The following SLC16A7 variants were observed in gnomAD, a reference collection of about 807,000 sequenced individuals.
SLC16A7 encodes monocarboxylate transporter 2.
SLC16A7 carries 33 observed loss-of-function variants against 34.9 expected under a neutral mutation model. The observed-to-expected ratio is 0.94, with a 90% CI of 0.72 to 1.26. SLC16A7 has a LOEUF of 1.26. Ranked by LOEUF, SLC16A7 falls within the 50% of genes most tolerant of loss-of-function variation. The pLI, the probability that SLC16A7 is intolerant of heterozygous loss-of-function variation, is 0.00. For missense variants in SLC16A7, 573 were observed against 578.1 expected (o/e 0.99, Z 0.09); for synonymous variants, 201 against 206.6 (o/e 0.97, Z 0.23).
At chr12:59,744,994 C>T (rs1878740343) in intron 3 of SLC16A7, among the ~76,000 whole-genome samples, 1 of 152,192 alleles carries the variant, frequency 6.6e-6, no homozygotes. Context: ...TTTTCTGCTT[C>T]ATTATGAGAG....
chr12:59,789,798 A>G lies in SLC16A7; in HGVS notation c.*10119A>G, dbSNP rs1883866945. On this transcript the variant is annotated 3_prime_UTR_variant, in exon 6 of 6. Coordinates refer to ENST00000547379, the MANE Select transcript of SLC16A7 (RefSeq NM_001270623.2). ...CTATAATATGTAAGAAAAAACCTGTATTGCTTATTAAATTAAAATTAAAAT... is the reference window on the plus strand; with the variant it reads ...CTATAATATGTAAGAAAAAACCTGTGTTGCTTATTAAATTAAAATTAAAAT... 1.3e-5 allele frequency: 2 copies of G among 149,684 alleles called. No individual in the cohort carries two copies. Among genetic ancestry groups the G allele is most frequent in the Admixed American group, 1.3e-4 (2 of 14,998 alleles). The allele number at this position is 149,684 out of a possible 1,614,324, so 9.3% of individuals were successfully genotyped here. A position where few individuals can be genotyped will look rare whatever the true frequency, so the allele number is the denominator to read the frequency against.
chr12:59,697,512 C>T (rs1264814755), intron 2 of SLC16A7, among the ~76,000 whole-genome samples: 3 of 151,870 alleles, frequency 2.0e-5, no homozygotes, highest in African/African-American at 4.8e-5. Context: ...CTGATGCTTC[C>T]ATTTTTAGTC....
chr12:59,773,293 C>T (rs145980538), intron 4 of SLC16A7, among the ~76,000 whole-genome samples: 9 of 152,208 alleles, frequency 5.9e-5, no homozygotes, highest in South Asian at 2.1e-4. Context: ...TCCTGTTACT[C>T]TCCAAAGCAT....
chr12:59,664,204 A>G (rs977596316), intron 2 of SLC16A7, among the ~76,000 whole-genome samples: 3 of 152,098 alleles, frequency 2.0e-5, no homozygotes, highest in Admixed American at 6.6e-5. Flanking sequence ...GGTAGTGGGT[A>G]TAAATTGTTT....
At chr12:59,685,604 T>C (rs1871092213) in intron 2 of SLC16A7, among the ~76,000 whole-genome samples, 1 of 152,192 alleles carries the variant, frequency 6.6e-6, no homozygotes, top group African/African-American at 2.4e-5. Context: ...GTGGTTGATA[T>C]GATTCCCACC....
chr12:59,772,029 G>A (rs1445160219), intron 4 of SLC16A7, among the ~76,000 whole-genome samples: 3 of 151,860 alleles, frequency 2.0e-5, no homozygotes, highest in East Asian at 1.9e-4. Context: ...ATGTACACCC[G>A]GAAAGCACTA....
At chr12:59,616,985 G>C (rs1276327983) in intron 1 of SLC16A7, among the ~76,000 whole-genome samples, 1 of 151,938 alleles carries the variant, frequency 6.6e-6, no homozygotes, top group Non-Finnish European at 1.5e-5. Context: ...TGCATTATTT[G>C]GATAGGTGGC....
intron 3 of SLC16A7, among the ~76,000 whole-genome samples, chr12:59,743,547 A>T (rs1279774870): frequency 6.6e-6 from 1 of 152,206 alleles, no homozygotes; most frequent in African/African-American, 2.4e-5. Flanking sequence ...ATGCTCAGTA[A>T]ATATGTGGTG....
chr12:59,724,616 A>T (rs1876016168), intron 3 of SLC16A7, among the ~76,000 whole-genome samples: 1 of 152,014 alleles, frequency 6.6e-6, no homozygotes, highest in South Asian at 2.1e-4. Flanking sequence ...TGCTGGAACC[A>T]GTTGGGTGCT....
intron 3 of SLC16A7, among the ~76,000 whole-genome samples, chr12:59,758,111 A>G (rs1274300297): frequency 6.6e-6 from 1 of 152,114 alleles, no homozygotes; most frequent in Non-Finnish European, 1.5e-5. Flanking sequence ...AAAACTGCAT[A>G]CACAGAGTGT....
intron 1 of SLC16A7, among the ~76,000 whole-genome samples, chr12:59,623,922 A>G (rs1338099949): frequency 6.6e-6 from 1 of 151,368 alleles, no homozygotes; most frequent in Non-Finnish European, 1.5e-5. Flanking sequence ...TTCTATTTTT[A>G]GGTTGGTAGG....
At position 59,596,871 on chromosome 12, in the gene SLC16A7, G is replaced by A. The variant is rs970879673; in HGVS notation, c.-130+635G>A. The stretch of plus-strand genomic sequence containing the variant: ...CCCAGGAAGGATGGCAGGGGTGGAA[G>A]CAGATGGAAAACTATATGCGGGCGA... On this transcript the variant is annotated intron_variant, in intron 1 of 5. Coordinates refer to ENST00000547379, the MANE Select transcript of SLC16A7 (RefSeq NM_001270623.2). The surrounding 1 kb of genome is among the most constrained non-coding windows in gnomAD (Gnocchi z 5.0). 1.3e-5 allele frequency among the ~76,000 whole-genome samples: 2 copies of A among 152,184 alleles called. No homozygotes were observed. Among genetic ancestry groups the A allele is most frequent in the Non-Finnish European group, 2.9e-5 (2 of 68,034 alleles).
At chr12:59,774,603 G>A in intron 4 of SLC16A7, 54 bp from the exon 5 acceptor site, 3 of 1,121,216 alleles carry the variant, frequency 2.7e-6, no homozygotes, top group Non-Finnish European at 3.8e-6. Flanking sequence ...AATTTCTTTT[G>A]TGAGTGCCAT....
chr12:59,652,591 A>T (rs764093729), intron 1 of SLC16A7, among the ~76,000 whole-genome samples: 2 of 152,044 alleles, frequency 1.3e-5, no homozygotes, highest in Non-Finnish European at 2.9e-5. Flanking sequence ...TAAAAATACC[A>T]TACTATTTCC....
chr12:59,634,139 G>A (rs1880312724), intron 1 of SLC16A7, among the ~76,000 whole-genome samples: 1 of 151,988 alleles, frequency 6.6e-6, no homozygotes, highest in Admixed American at 6.6e-5. Context: ...TGCCAACTCT[G>A]GAATCCGTTC....
At chr12:59,760,606 T>C (rs1408586513) in intron 3 of SLC16A7, among the ~76,000 whole-genome samples, 1 of 152,206 alleles carries the variant, frequency 6.6e-6, no homozygotes, top group Admixed American at 6.6e-5. Context: ...AAGATCTTAC[T>C]GTACTATACT....
intron 2 of SLC16A7, among the ~76,000 whole-genome samples, chr12:59,703,835 G>A (rs539534424): frequency 1.6e-4 from 24 of 152,234 alleles, no homozygotes; most frequent in African/African-American, 5.5e-4. Context: ...TAGGTTGACC[G>A]TAGTAATCAT....
intron 3 of SLC16A7, among the ~76,000 whole-genome samples, chr12:59,715,288 T>A (rs1874765958): frequency 6.6e-6 from 1 of 152,234 alleles, no homozygotes; most frequent in Non-Finnish European, 1.5e-5. Flanking sequence ...TTGTTTTCTA[T>A]GTGTTTCCAT....
chr12:59,683,447 G>A (rs1487916235), intron 2 of SLC16A7, among the ~76,000 whole-genome samples: 1 of 152,110 alleles, frequency 6.6e-6, no homozygotes, highest in Non-Finnish European at 1.5e-5. Flanking sequence ...TTGTCCATGT[G>A]TGAGGTGAAA....
Sources: allele counts gnomAD v4.1 joint callset (sites outside exome capture counted in the v4.1 genomes callset), GRCh38; gene constraint gnomAD v4.1.1; non-coding constraint Gnocchi (gnomAD v3.1); transcripts MANE v1.5; gene names NCBI Gene and HGNC (gene_info 2026-07-23, HGNC 2026-07-21).